AARS2: variants seen among roughly 807,000 people sequenced by gnomAD.
AARS2 encodes the protein alanyl-tRNA synthetase 2, mitochondrial.
AARS2 carries 78 observed loss-of-function variants against 119.7 expected under a neutral mutation model. That is an observed-to-expected ratio of 0.65 (90% CI 0.54 to 0.79). The LOEUF (loss-of-function observed/expected upper bound fraction) is 0.79. Ranked by LOEUF, AARS2 falls within the 30% of genes least tolerant of loss-of-function variation. The pLI is 0.00. For synonymous variants in AARS2, 502 were observed against 526.3 expected (o/e 0.95, Z 0.63); for missense variants, 1,157 against 1,291.3 (o/e 0.90, Z 1.59).
chr6:44,306,452 A>C (rs1561940729), intron 8 of AARS2, 42 bp downstream of exon 8: 1 of 1,613,628 alleles, frequency 6.2e-7, no homozygotes. Flanking sequence ...TCTCTCCACA[A>C]CTCTCCCATC....
chr6:44,305,339 G>A lies in AARS2; in HGVS notation c.1435-141C>T. 1 of 1,357,830 alleles carries A rather than the reference G, an allele frequency of 7.4e-7. No individual in the cohort carries two copies. Among genetic ancestry groups the A allele is most frequent in the Non-Finnish European group, 1.0e-6 (1 of 979,026 alleles). The allele number at this position is 1,357,830 out of a possible 1,614,324, so 84.1% of individuals were successfully genotyped here. ...TGGAATAAGAACTCAGGGCTTGGCT[G>A]GCTGCTAGAGCCCCTGAGCTGGTTG... On this transcript the variant is annotated intron_variant, in intron 10 of 21. Transcript: ENST00000244571. This position sits in a 1 kb window ranked among gnomAD's most constrained non-coding sequence, Gnocchi z 4.6.
Position 44,311,167 on chromosome 6 carries a change from G to C in AARS2, c.582-6C>G. 6.2e-7 allele frequency: 1 copy of C among 1,614,058 alleles called. No homozygotes were observed. Among genetic ancestry groups the C allele is most frequent in the Non-Finnish European group, 8.5e-7 (1 of 1,180,030 alleles). On this transcript the variant is annotated splice_polypyrimidine_tract_variant and splice_region_variant and intron_variant, in intron 3 of 21. Transcript: ENST00000244571. ...GCACACGGCTAGCAGGCACCCTGGG[G>C]AGAAAAGCAGGTGAGTGGTGGGAGA...
At chr6:44,312,444 G>T (rs1048056442) in intron 1 of AARS2, among the ~76,000 whole-genome samples, 181 bp from the exon 2 acceptor site, 2 of 152,232 alleles carry the variant, frequency 1.3e-5, no homozygotes, top group Non-Finnish European at 2.9e-5. Flanking sequence ...TCTCTGGTGT[G>T]TGGGGAGCAG....
Position 44,307,141 on chromosome 6 carries a change from T to C in AARS2, c.1040+108A>G, listed in dbSNP as rs578117083. On this transcript the variant is annotated intron_variant, in intron 6 of 21. Coordinates refer to ENST00000244571, the MANE Select transcript of AARS2 (RefSeq NM_020745.4). The surrounding 1 kb of genome is among the most constrained non-coding windows in gnomAD (Gnocchi z 4.4). ...TGCTCCCACCTCAAAGCTCTCCCTC[T>C]CCCCATTCCTCCTACTGGCTCAACC... The C allele has an allele frequency of 6.3e-7, 1 of 1,590,358 alleles. No homozygotes were observed. The highest frequency in any genetic ancestry group is 8.6e-7 in the Non-Finnish European group (1 of 1,164,576).
chr6:44,302,955 AGAAG>A, intron 16 of AARS2, 45 bp from the exon 17 acceptor site: 1 of 1,605,378 alleles, frequency 6.2e-7, no homozygotes, highest in Non-Finnish European at 8.5e-7. Context: ...ATGACAGTAG[AGAAG>A]GGAGAAGCCA....
Position 44,300,689 on chromosome 6 carries a change from G to A in AARS2, c.2816C>T (p.Ala939Val). 6.2e-7 allele frequency: 1 copy of A among 1,613,300 alleles called. No individual in the cohort carries two copies. The highest frequency in any genetic ancestry group is 1.1e-5 in the South Asian group (1 of 91,090). ...GCACACTGCCAGTGCCCAGGCCTCT[G>A]CTGTGAAGGTGGGCATGGCACCCTA... is the stretch of plus-strand genomic sequence containing the variant. The part of the protein sequence containing the change: ...VAQGAMPTFT[A>V]EAWALAVCSH... The change falls in exon 22 of 22, where the codon GCA becomes GTA. Residue 939 changes from alanine (A) to valine (V), a missense_variant. Transcript: ENST00000244571.
intron 1 of AARS2, among the ~76,000 whole-genome samples, 172 bp downstream of exon 1, chr6:44,312,909 C>T (rs1376349008): frequency 6.6e-6 from 1 of 152,182 alleles, no homozygotes; most frequent in African/African-American, 2.4e-5. Context: ...CCTCCCCAAG[C>T]CCTCCCTATA....
At chr6:44,308,340 C>G (rs1475391214) in intron 5 of AARS2, among the ~76,000 whole-genome samples, 2 of 152,070 alleles carry the variant, frequency 1.3e-5, no homozygotes, top group Non-Finnish European at 1.5e-5. Context: ...GAGTTTGAGA[C>G]CAGCCTGGCC....
chr6:44,312,888 C>T (rs1561944360), intron 1 of AARS2, among the ~76,000 whole-genome samples, 193 bp downstream of exon 1: 1 of 152,168 alleles, frequency 6.6e-6, no homozygotes, highest in African/African-American at 2.4e-5. Flanking sequence ...CCAGAAGTTC[C>T]CAGCTCAAGC....
chr6:44,305,247 T>A lies in AARS2; in HGVS notation c.1435-49A>T. The stretch of plus-strand genomic sequence containing the variant: ...AAGAAGTGCATGGAGAATGAAAGAA[T>A]GAAAGTGGGACTTCAGCCTCGCAGG... On this transcript the variant is annotated intron_variant, in intron 10 of 21. Transcript: ENST00000244571. This position sits in a 1 kb window ranked among gnomAD's most constrained non-coding sequence, Gnocchi z 4.6. 1 of 1,603,186 alleles carries A rather than the reference T, an allele frequency of 6.2e-7. No individual in the cohort carries two copies. Among genetic ancestry groups the A allele is most frequent in the African/African-American group, 1.3e-5 (1 of 74,972 alleles).
At position 44,301,903 on chromosome 6, in the gene AARS2, G is replaced by A. The variant is rs325006; in HGVS notation, c.2598+157C>T. 0.89 allele frequency among the ~76,000 whole-genome samples: 134,959 copies of A among 152,142 alleles called. 61,141 individuals carry two copies. The highest frequency in any genetic ancestry group is 1 in the East Asian group (5,156 of 5,166). On this transcript the variant is annotated intron_variant, in intron 19 of 21. Coordinates refer to ENST00000244571, the MANE Select transcript of AARS2 (RefSeq NM_020745.4). Reference sequence around the variant, plus strand: ...TGAAAGAGACAGAAGTGGGGGAATGGCCTGGGTGATGGTTCTCAGCTGGCA... The same window carrying A: ...TGAAAGAGACAGAAGTGGGGGAATGACCTGGGTGATGGTTCTCAGCTGGCA...
chr6:44,312,998 G>C (rs1019569960), intron 1 of AARS2, 83 bp downstream of exon 1: 2 of 1,584,718 alleles, frequency 1.3e-6, no homozygotes, highest in East Asian at 2.3e-5. Context: ...TCCGCCTCTC[G>C]CTTCTTTTGC....
Position 44,300,704 on chromosome 6 carries a change from A to T in AARS2, c.2801T>A (p.Met934Lys). 1 of 1,612,706 alleles carries T rather than the reference A, an allele frequency of 6.2e-7. No individual in the cohort carries two copies. The highest frequency in any genetic ancestry group is 8.5e-7 in the Non-Finnish European group (1 of 1,180,006). ...CCAGGCCTCTGCTGTGAAGGTGGGC[A>T]TGGCACCCTAGGAACAGAATCAGAA... ...LCACQVAQGA[M>K]PTFTAEAWAL... The change falls in exon 22 of 22, where the codon ATG becomes AAG. Residue 934 changes from methionine (M) to lysine (K), a missense_variant. Coordinates refer to ENST00000244571, the MANE Select transcript of AARS2 (RefSeq NM_020745.4).
intron 14 of AARS2, 43 bp from the exon 15 acceptor site, chr6:44,303,466 GC>G (rs764253507): frequency 6.2e-7 from 1 of 1,613,572 alleles, no homozygotes; most frequent in African/African-American, 1.3e-5. Context: ...CATGCAGTCA[GC>G]CCCACACCTC....
rs773487344 is a variant in AARS2 at position 44,310,451 on chromosome 6, G to A, written c.750-8C>T. 2.5e-6 allele frequency: 4 copies of A among 1,613,058 alleles called. 1 individual carries two copies. In the South Asian group the frequency reaches 4.4e-5, roughly 18 times the overall value. ...AGGCTTCCATCTGCCTCTCTGGCCAGGGAAGGTGTGCAAGGTGAGGCCCCA... is the reference window on the plus strand; with the variant it reads ...AGGCTTCCATCTGCCTCTCTGGCCAAGGAAGGTGTGCAAGGTGAGGCCCCA... On this transcript the variant is annotated splice_region_variant and splice_polypyrimidine_tract_variant and intron_variant, in intron 4 of 21. Coordinates refer to ENST00000244571, the MANE Select transcript of AARS2 (RefSeq NM_020745.4).
At chr6:44,306,672 C>T in intron 7 of AARS2, 140 bp from the exon 8 acceptor site, 1 of 1,106,878 alleles carries the variant, frequency 9.0e-7, no homozygotes, top group Non-Finnish European at 1.4e-6. Context: ...AAATGGGGAA[C>T]TGGTTTCCCT....
Position 44,305,279 on chromosome 6 carries a change from T to G in AARS2, c.1435-81A>C. 6 of 1,562,208 alleles carry G rather than the reference T, an allele frequency of 3.8e-6. No individual in the cohort carries two copies. The highest frequency in any genetic ancestry group is 1.1e-5 in the South Asian group (1 of 89,960). On this transcript the variant is annotated intron_variant, in intron 10 of 21. Coordinates refer to ENST00000244571, the MANE Select transcript of AARS2 (RefSeq NM_020745.4). The surrounding 1 kb of genome is among the most constrained non-coding windows in gnomAD (Gnocchi z 4.6). ...GGGACTTCAGCCTCGCAGGGCCCTG[T>G]CCCTGCCACACAGCTGTGGACTCTG...
chr6:44,311,556 G>T, intron 2 of AARS2, 21 bp from the exon 3 acceptor site: 1 of 1,609,098 alleles, frequency 6.2e-7, no homozygotes, highest in Non-Finnish European at 8.5e-7. Context: ...AACCAGCATG[G>T]GGTGGGGGGG....
In AARS2 at chr6:44,305,006, T is replaced by A. The variant is rs772399523; in HGVS notation, c.1579+48A>T. 1 of 1,614,006 alleles carries A rather than the reference T, an allele frequency of 6.2e-7. No individual in the cohort carries two copies. Among genetic ancestry groups the A allele is most frequent in the Non-Finnish European group, 8.5e-7 (1 of 1,179,916 alleles). ...CAACCATCTTGGACATTCTTCTTAG[T>A]CATGGTCAGGCAAGCTTGTGGCGGC... On this transcript the variant is annotated intron_variant, in intron 11 of 21. Transcript: ENST00000244571. The surrounding 1 kb of genome is among the most constrained non-coding windows in gnomAD (Gnocchi z 4.6).
Sources: allele counts gnomAD v4.1 joint callset (sites outside exome capture counted in the v4.1 genomes callset), GRCh38; gene constraint gnomAD v4.1.1; non-coding constraint Gnocchi (gnomAD v3.1); transcripts MANE v1.5; gene names NCBI Gene and HGNC (gene_info 2026-07-23, HGNC 2026-07-21).